The following NAALADL2 variants were observed in gnomAD, a reference collection of about 807,000 sequenced individuals.
NAALADL2 encodes N-acetylated alpha-linked acidic dipeptidase like 2.
Under a neutral mutation model 87.2 loss-of-function variants are expected in NAALADL2, and 76 were observed. The observed-to-expected ratio is 0.87, with a 90% CI of 0.72 to 1.05. NAALADL2 has a LOEUF of 1.05. Ranked by LOEUF, NAALADL2 falls within the 50% of genes least tolerant of loss-of-function variation. The probability of loss-of-function intolerance (pLI) is 0.00; values close to 1 mark genes in which losing one functional copy is unlikely to be tolerated. For missense variants in NAALADL2, 1,089 were observed against 945.8 expected, an observed-to-expected ratio of 1.15 and a Z score of -1.99; for synonymous variants, 354 against 331.0, an observed-to-expected ratio of 1.07 and a Z score of -0.75.
chr3:174,633,572 T>C (rs747064537), intron 2 of NAALADL2, among the ~76,000 whole-genome samples: 6 of 152,230 alleles, frequency 3.9e-5, no homozygotes, highest in Non-Finnish European at 8.8e-5. Context: ...TAATGCCTTG[T>C]GCTTAAACTG....
intron 11 of NAALADL2, chr3:175,676,630 C>T (rs986705341): frequency 2.7e-5 from 4 of 150,386 alleles, no homozygotes; most frequent in African/African-American, 7.4e-5. Context: ...AATCAGTGTG[C>T]TCTTGATTAA....
intron 1 of NAALADL2, among the ~76,000 whole-genome samples, chr3:175,092,493 G>A (rs1720324268): frequency 6.6e-6 from 1 of 151,818 alleles, no homozygotes; most frequent in Admixed American, 6.6e-5. Context: ...ATATTTGCCA[G>A]ACACTGTGTT....
At chr3:175,561,176 A>G (rs1260406814) in intron 9 of NAALADL2, among the ~76,000 whole-genome samples, 1 of 152,184 alleles carries the variant, frequency 6.6e-6, no homozygotes, top group Non-Finnish European at 1.5e-5. Flanking sequence ...AAGACATCCT[A>G]TGGGTGCCAG....
At chr3:175,801,456 C>G (rs1485386779) in intron 13 of NAALADL2, among the ~76,000 whole-genome samples, 2 of 152,068 alleles carry the variant, frequency 1.3e-5, no homozygotes, top group African/African-American at 4.8e-5. Flanking sequence ...ATGGATTTCA[C>G]TAAGGATATC....
chr3:175,214,035 A>G (rs1346932903), intron 2 of NAALADL2, among the ~76,000 whole-genome samples: 3 of 152,198 alleles, frequency 2.0e-5, no homozygotes, highest in African/African-American at 7.2e-5. Flanking sequence ...TCATTAGAAT[A>G]CCATTATTGT....
intron 1 of NAALADL2, among the ~76,000 whole-genome samples, chr3:174,932,804 T>G (rs763817045): frequency 6.6e-6 from 1 of 152,206 alleles, no homozygotes; most frequent in South Asian, 2.1e-4. Flanking sequence ...AATATGTTAT[T>G]GAGAAAGCAT....
At chr3:174,529,747 A>G (rs1394059899) in intron 1 of NAALADL2, among the ~76,000 whole-genome samples, 3 of 152,074 alleles carry the variant, frequency 2.0e-5, no homozygotes, top group Non-Finnish European at 4.4e-5. Flanking sequence ...TGAAGCTTGC[A>G]CCCTCTGAAG....
At chr3:174,997,327 C>G (rs1355818261) in intron 1 of NAALADL2, among the ~76,000 whole-genome samples, 1 of 152,008 alleles carries the variant, frequency 6.6e-6, no homozygotes, top group African/African-American at 2.4e-5. Context: ...TACATCCACA[C>G]CAACATCTAT....
intron 2 of NAALADL2, among the ~76,000 whole-genome samples, chr3:175,130,613 T>C (rs545593832): frequency 6.6e-6 from 1 of 152,302 alleles, no homozygotes; most frequent in Admixed American, 6.5e-5. Flanking sequence ...CTTTTCTCTA[T>C]TGTGTATTCT....
intron 11 of NAALADL2, among the ~76,000 whole-genome samples, chr3:175,634,181 T>C (rs4301018): frequency 0.27 from 40,400 of 151,786 alleles, 6,205 homozygotes; most frequent in African/African-American, 0.43. Context: ...TTTTAATTGT[T>C]AACCATTTCT....
intron 4 of NAALADL2, among the ~76,000 whole-genome samples, chr3:175,301,215 A>T (rs1215971547): frequency 2.0e-5 from 3 of 152,098 alleles, no homozygotes; most frequent in Non-Finnish European, 4.4e-5. Flanking sequence ...ATTTAGTGCT[A>T]TAAATCTCCC....
chr3:174,914,721 G>T (rs938602618), intron 1 of NAALADL2, among the ~76,000 whole-genome samples: 1 of 152,026 alleles, frequency 6.6e-6, no homozygotes, highest in Non-Finnish European at 1.5e-5. Context: ...AACCTCAAAA[G>T]ACATTGTAAT....
chr3:175,099,703 G>T (rs533856118), intron 2 of NAALADL2, among the ~76,000 whole-genome samples: 1 of 151,956 alleles, frequency 6.6e-6, no homozygotes, highest in Non-Finnish European at 1.5e-5. Flanking sequence ...TTTTCTATTG[G>T]TTCTCTTTTC....
chr3:175,608,325 T>C (rs1174510740), intron 10 of NAALADL2, among the ~76,000 whole-genome samples: 2 of 151,208 alleles, frequency 1.3e-5, no homozygotes, highest in African/African-American at 4.8e-5. Flanking sequence ...TTTTAATCTT[T>C]TAATGAAGAT....
chr3:175,024,425 C>T (rs187983826), intron 1 of NAALADL2, among the ~76,000 whole-genome samples: 2 of 152,028 alleles, frequency 1.3e-5, no homozygotes, highest in African/African-American at 4.8e-5. Flanking sequence ...AAGGGCAAAG[C>T]GGATGCTTTG....
At chr3:175,709,713 C>T (rs1288859785) in intron 11 of NAALADL2, among the ~76,000 whole-genome samples, 2 of 152,060 alleles carry the variant, frequency 1.3e-5, no homozygotes, top group African/African-American at 4.8e-5. Flanking sequence ...TCACAAACCT[C>T]AGCAAATCAA....
intron 2 of NAALADL2, among the ~76,000 whole-genome samples, chr3:175,132,288 CG>C (rs372910801): frequency 0.96 from 13,153 of 13,694 alleles, 6,501 homozygotes; most frequent in Middle Eastern, 1. Context: ...CCCTCCCAGA[CG>C]GGGGCAGCTG....
chr3:175,399,071 ATACTT>A (rs1331636462), intron 5 of NAALADL2, among the ~76,000 whole-genome samples: 1 of 152,120 alleles, frequency 6.6e-6, no homozygotes, highest in Non-Finnish European at 1.5e-5. Flanking sequence ...AAAAAAGAGA[ATACTT>A]TTTTTTAACC....
At chr3:174,448,326 C>T (rs186777527) in intron 1 of NAALADL2, among the ~76,000 whole-genome samples, 2 of 152,240 alleles carry the variant, frequency 1.3e-5, no homozygotes, top group Admixed American at 1.3e-4. Context: ...TTCATGTAAT[C>T]GTCACCATAA....
Sources: gnomAD v4.1 joint callset for allele counts (sites outside exome capture counted in the v4.1 genomes callset) on GRCh38, gnomAD v4.1.1 for gene constraint, MANE v1.5 for transcripts, NCBI Gene and HGNC (gene_info 2026-07-23, HGNC 2026-07-21) for gene names.